GPR39: variants seen among roughly 807,000 people sequenced by gnomAD.
GPR39 encodes G protein-coupled receptor 39, also known as zinc sensing receptor.
Under a neutral mutation model 18.4 loss-of-function variants are expected in GPR39, and 23 were observed. That is an observed-to-expected ratio of 1.25 (90% CI 0.90 to 1.77). GPR39 has a LOEUF of 1.77. Among genes scored for constraint, GPR39 ranks in the 40% most tolerant of loss-of-function variants. The pLI is 0.00. For missense variants in GPR39, 647 were observed against 602.4 expected, an observed-to-expected ratio of 1.07 and a Z score of -0.78; for synonymous variants, 280 against 257.9, an observed-to-expected ratio of 1.09 and a Z score of -0.82.
chr2:132,567,131 G>A (rs974468093), intron 1 of GPR39, among the ~76,000 whole-genome samples: 1 of 152,156 alleles, frequency 6.6e-6, no homozygotes, highest in Non-Finnish European at 1.5e-5. Context: ...AGGATTTTGA[G>A]ACCAACATGG....
chr2:132,525,793 G>A (rs1374655488), intron 1 of GPR39, among the ~76,000 whole-genome samples: 4 of 152,190 alleles, frequency 2.6e-5, no homozygotes, highest in South Asian at 2.1e-4. Context: ...TGTGTGACAA[G>A]GAAGACATGT....
intron 1 of GPR39, among the ~76,000 whole-genome samples, chr2:132,516,849 G>A (rs1212549044): frequency 1.3e-5 from 2 of 152,118 alleles, no homozygotes; most frequent in Admixed American, 6.6e-5. Context: ...TGAAACAAAG[G>A]GCAAGAGGGA....
chr2:132,481,359 C>T (rs534294385), intron 1 of GPR39, among the ~76,000 whole-genome samples: 5 of 152,202 alleles, frequency 3.3e-5, no homozygotes, highest in Middle Eastern at 3.4e-3. Flanking sequence ...AGGAGGGTAA[C>T]GAAATAGACT....
At chr2:132,455,970 A>T (rs1378073665) in intron 1 of GPR39, among the ~76,000 whole-genome samples, 2 of 152,114 alleles carry the variant, frequency 1.3e-5, no homozygotes, top group Non-Finnish European at 1.5e-5. Context: ...TTTGGGGTGG[A>T]GAATTCTGTA....
At chr2:132,583,024 A>G (rs1455253597) in intron 1 of GPR39, among the ~76,000 whole-genome samples, 2 of 150,020 alleles carry the variant, frequency 1.3e-5, no homozygotes, top group African/African-American at 4.9e-5. Context: ...CATGATCCCA[A>G]GTGGCTGGAA....
intron 1 of GPR39, among the ~76,000 whole-genome samples, chr2:132,440,965 C>T (rs1374585354): frequency 6.6e-6 from 1 of 152,190 alleles, no homozygotes; most frequent in African/African-American, 2.4e-5. Context: ...GAAGGACACG[C>T]TCTTCTCTGC....
intron 1 of GPR39, among the ~76,000 whole-genome samples, chr2:132,475,421 C>G (rs1383185198): frequency 6.6e-6 from 1 of 151,902 alleles, no homozygotes; most frequent in Non-Finnish European, 1.5e-5. Flanking sequence ...AGAATAAATA[C>G]CATTCTGCCA....
intron 1 of GPR39, among the ~76,000 whole-genome samples, chr2:132,561,006 A>G (rs926885167): frequency 6.7e-6 from 1 of 149,638 alleles, no homozygotes; most frequent in Non-Finnish European, 1.5e-5. Flanking sequence ...CTCTGCCTCC[A>G]AGGCTCAAGT....
intron 1 of GPR39, among the ~76,000 whole-genome samples, chr2:132,422,536 G>A (rs2104753511): frequency 6.6e-6 from 1 of 152,056 alleles, no homozygotes; most frequent in Non-Finnish European, 1.5e-5. Flanking sequence ...TTCATCATTA[G>A]TTTTCTTAGC....
At chr2:132,593,300 G>C (rs963734513) in intron 1 of GPR39, among the ~76,000 whole-genome samples, 4 of 152,126 alleles carry the variant, frequency 2.6e-5, no homozygotes, top group Non-Finnish European at 5.9e-5. Flanking sequence ...CTCCCTCCTA[G>C]AGGTCAGGCA....
At chr2:132,630,104 G>A (rs554898662) in intron 1 of GPR39, among the ~76,000 whole-genome samples, 7 of 152,238 alleles carry the variant, frequency 4.6e-5, no homozygotes, top group South Asian at 4.2e-4. Context: ...CACTGCAGAC[G>A]CAGACATAGA....
intron 1 of GPR39, among the ~76,000 whole-genome samples, chr2:132,503,717 T>G (rs1311826176): frequency 1.3e-5 from 2 of 152,168 alleles, no homozygotes; most frequent in Non-Finnish European, 2.9e-5. Flanking sequence ...GACCACCAGC[T>G]GGGGGAACGG....
Position 132,427,734 on chromosome 2 carries a change from T to C in GPR39, c.856+9836T>C, listed in dbSNP as rs1573596730. The stretch of plus-strand genomic sequence containing the variant: ...AGGAGTCTCAGTAAGTTGCCTAGGC[T>C]GGAGTATAGTGACTATTCACAGACA... On this transcript the variant is annotated intron_variant, in intron 1 of 1. Transcript: ENST00000329321. Among the ~76,000 whole-genome samples, 3 of 150,502 alleles carry C rather than the reference T, an allele frequency of 2.0e-5. No individual in the cohort carries two copies. The East Asian group carries it at 5.9e-4, about 29-fold the overall frequency.
At chr2:132,584,493 G>C (rs1680687269) in intron 1 of GPR39, among the ~76,000 whole-genome samples, 1 of 152,118 alleles carries the variant, frequency 6.6e-6, no homozygotes, top group South Asian at 2.1e-4. Flanking sequence ...AGCCTGGAGA[G>C]GTACCCAGAG....
At chr2:132,511,896 A>T (rs1022827510) in intron 1 of GPR39, among the ~76,000 whole-genome samples, 2 of 152,238 alleles carry the variant, frequency 1.3e-5, no homozygotes, top group African/African-American at 4.8e-5. Context: ...GACTCTATAC[A>T]TTGAACCACT....
chr2:132,634,197 G>T (rs1053572255), intron 1 of GPR39, among the ~76,000 whole-genome samples: 3 of 152,074 alleles, frequency 2.0e-5, no homozygotes, highest in Non-Finnish European at 2.9e-5. Flanking sequence ...GGTAGAGGTA[G>T]AGATGATTCT....
Position 132,417,053 on chromosome 2 carries a change from C to G in GPR39, c.11C>G (p.Pro4Arg). The change falls in exon 1 of 2, where the codon CCC (proline) becomes CGC (arginine). Residue 4 changes from proline (P) to arginine (R), a missense_variant. Pro to Arg is a moderately radical substitution (Grantham distance 103). Coordinates refer to ENST00000329321, the MANE Select transcript of GPR39 (RefSeq NM_001508.3). Reference protein sequence around the residue: MASPSLPGSDCSQI... With the variant: MASRSLPGSDCSQI... ...CTGGTGCTCTTTCTCATGGCTTCACCCAGCCTCCCGGGCAGTGACTGCTCC... is the reference window on the plus strand; with the variant it reads ...CTGGTGCTCTTTCTCATGGCTTCACGCAGCCTCCCGGGCAGTGACTGCTCC... The G allele has an allele frequency of 6.2e-7, 1 of 1,613,204 alleles. No individual in the cohort carries two copies. Among genetic ancestry groups the G allele is most frequent in the Non-Finnish European group, 8.5e-7 (1 of 1,179,316 alleles).
chr2:132,632,933 A>G (rs1681677089), intron 1 of GPR39, among the ~76,000 whole-genome samples: 1 of 152,172 alleles, frequency 6.6e-6, no homozygotes, highest in South Asian at 2.1e-4. Context: ...TCACAGAGAT[A>G]TAGGTCCATG....
chr2:132,632,531 C>A (rs1681668481), intron 1 of GPR39, among the ~76,000 whole-genome samples: 1 of 152,196 alleles, frequency 6.6e-6, no homozygotes, highest in Non-Finnish European at 1.5e-5. Flanking sequence ...GCTTTCCAGA[C>A]AAAGCAGCTG....
Sources: gnomAD v4.1 joint callset for allele counts (sites outside exome capture counted in the v4.1 genomes callset) on GRCh38, gnomAD v4.1.1 for gene constraint, MANE v1.5 for transcripts, NCBI Gene and HGNC (gene_info 2026-07-23, HGNC 2026-07-21) for gene names.